XKR9: variants seen among roughly 807,000 people sequenced by gnomAD.
XKR9 encodes the protein XK related 9.
A neutral mutation model predicts 32.0 loss-of-function variants in XKR9; 32 were observed. The observed-to-expected ratio is 1.00, with a 90% confidence interval of 0.76 to 1.34. The LOEUF is 1.34. XKR9 is among the 40% of genes most tolerant of loss of function. XKR9 has a pLI of 0.00. For synonymous variants in XKR9, 168 were observed against 143.4 expected, an observed-to-expected ratio of 1.17 and a Z score of -1.22; for missense variants, 546 against 429.7, an observed-to-expected ratio of 1.27 and a Z score of -2.39.
At chr8:70,750,874 C>A (rs1184910195) in intron 2 of XKR9, among the ~76,000 whole-genome samples, 1 of 152,164 alleles carries the variant, frequency 6.6e-6, no homozygotes, top group African/African-American at 2.4e-5. Context: ...AAATGTTGTA[C>A]TGGATATTTC....
the XKR9 span, among the ~76,000 whole-genome samples, chr8:71,041,758 G>A: frequency 3.3e-5 from 5 of 151,928 alleles, no homozygotes. Flanking sequence ...CTCTCTCTCT[G>A]TCTCTCTCTC....
intron 4 of XKR9, among the ~76,000 whole-genome samples, chr8:70,708,897 C>T (rs533947898): frequency 1.2e-3 from 181 of 152,142 alleles, no homozygotes; most frequent in Non-Finnish European, 1.5e-3. Context: ...ATCAATTCTA[C>T]AGAAACTATT....
At position 70,747,141 on chromosome 8, in the gene XKR9, T is replaced by C. The variant is rs188357380; in HGVS notation, n.352+39988T>C. 3.4e-3 allele frequency among the ~76,000 whole-genome samples: 517 copies of C among 152,330 alleles called. 3 individuals are homozygous for C. The highest frequency in any genetic ancestry group is 0.02 in the Middle Eastern group (6 of 294). On this transcript the variant is annotated intron_variant and non_coding_transcript_variant, in intron 2 of 3. Transcript: ENST00000520273. ...TCTGTGGTGTATATTTACCACATTT[T>C]CTTTATTCAGTCCACCATTGATAAA...
chr8:70,969,436 A>G, the XKR9 span, among the ~76,000 whole-genome samples: 5 of 152,338 alleles, frequency 3.3e-5, no homozygotes, highest in East Asian at 9.7e-4. Context: ...TATGGGTTAC[A>G]TTCAGACCAA....
intron 2 of XKR9, among the ~76,000 whole-genome samples, chr8:70,784,581 ATTTT>A (rs1168051503): frequency 6.8e-6 from 1 of 146,446 alleles, no homozygotes; most frequent in Non-Finnish European, 1.5e-5. Flanking sequence ...GTTCTGGCAG[ATTTT>A]TTTTTTTATT....
At chr8:70,887,829 A>ACAATGG in the XKR9 span, among the ~76,000 whole-genome samples, 1 of 152,116 alleles carries the variant, frequency 6.6e-6, no homozygotes, top group Non-Finnish European at 1.5e-5. Flanking sequence ...TGGGGCTGAG[A>ACAATGG]CAATGGGGTT....
intron 4 of XKR9, among the ~76,000 whole-genome samples, chr8:70,728,738 T>G (rs1028639338): frequency 6.6e-6 from 1 of 152,238 alleles, no homozygotes; most frequent in Non-Finnish European, 1.5e-5. Flanking sequence ...AGAACTAATT[T>G]GTTTACAAAA....
chr8:70,733,522 T>G (rs1228208025), intron 4 of XKR9, among the ~76,000 whole-genome samples: 1 of 151,974 alleles, frequency 6.6e-6, no homozygotes, highest in Non-Finnish European at 1.5e-5. Flanking sequence ...AATAAAACAG[T>G]CTAATATAGT....
intron 4 of XKR9, among the ~76,000 whole-genome samples, chr8:70,729,059 C>T (rs1033555757): frequency 2.0e-5 from 3 of 152,092 alleles, no homozygotes; most frequent in Non-Finnish European, 2.9e-5. Flanking sequence ...CCAGATTTCC[C>T]AAGGGGCTGT....
the XKR9 span, among the ~76,000 whole-genome samples, chr8:70,989,516 T>A: frequency 6.6e-6 from 1 of 152,200 alleles, no homozygotes; most frequent in Non-Finnish European, 1.5e-5. Flanking sequence ...AGACTTTACT[T>A]GCTGAGCTGA....
the XKR9 span, among the ~76,000 whole-genome samples, chr8:70,949,650 G>C: frequency 6.6e-6 from 1 of 151,886 alleles, no homozygotes; most frequent in South Asian, 2.1e-4. Context: ...GCTATGACAG[G>C]GTCACAAGCA....
At chr8:70,877,995 G>A in the XKR9 span, among the ~76,000 whole-genome samples, 11 of 152,088 alleles carry the variant, frequency 7.2e-5, no homozygotes, top group African/African-American at 2.7e-4. Context: ...AAGAGAGTGG[G>A]GGCCAATATT....
At chr8:70,728,346 G>T (rs1806546842) in intron 4 of XKR9, among the ~76,000 whole-genome samples, 1 of 152,202 alleles carries the variant, frequency 6.6e-6, no homozygotes, top group Non-Finnish European at 1.5e-5. Flanking sequence ...GGCATAGTGG[G>T]GGTAGGTGCT....
At chr8:70,742,373 T>A (rs6982406) in intron 2 of XKR9, among the ~76,000 whole-genome samples, 61,334 of 152,146 alleles carry the variant, frequency 0.4, 13,906 homozygotes, top group Non-Finnish European at 0.52. Flanking sequence ...ATATGTTTGC[T>A]TGTATGTTTG....
the XKR9 span, among the ~76,000 whole-genome samples, chr8:70,943,989 C>T: frequency 3.5e-3 from 533 of 151,846 alleles, 4 homozygotes; most frequent in African/African-American, 0.012. Context: ...AGTAGTTTCT[C>T]AAAAGAAGAA....
downstream of XKR9, among the ~76,000 whole-genome samples, chr8:70,738,625 C>G (rs1015279849): frequency 1.3e-5 from 2 of 151,886 alleles, no homozygotes; most frequent in African/African-American, 2.4e-5. Flanking sequence ...AAATTTCCCT[C>G]TATACACTGC....
the XKR9 span, among the ~76,000 whole-genome samples, chr8:71,054,743 G>T: frequency 8.6e-5 from 13 of 152,018 alleles, no homozygotes; most frequent in Non-Finnish European, 8.8e-5. Flanking sequence ...TTTTTCAATT[G>T]AACTAAAGGG....
At chr8:70,952,790 C>A in the XKR9 span, among the ~76,000 whole-genome samples, 4 of 152,200 alleles carry the variant, frequency 2.6e-5, no homozygotes, top group African/African-American at 7.2e-5. Context: ...AGTAACCCAG[C>A]CTGATAGAGC....
At chr8:70,915,706 C>T in the XKR9 span, among the ~76,000 whole-genome samples, 14 of 152,180 alleles carry the variant, frequency 9.2e-5, no homozygotes, top group African/African-American at 3.4e-4. Flanking sequence ...GTATCATTCA[C>T]TACCCATTTA....
Sources: gnomAD v4.1 joint callset for allele counts (sites outside exome capture counted in the v4.1 genomes callset) on GRCh38, gnomAD v4.1.1 for gene constraint, MANE v1.5 for transcripts, NCBI Gene and HGNC (gene_info 2026-07-23, HGNC 2026-07-21) for gene names.